Variants in UBALD2 observed in about 807,000 individuals in gnomAD.
UBALD2 encodes UBA-like domain-containing protein 2.
A neutral mutation model predicts 15.9 loss-of-function variants in UBALD2; 8 were observed. That is an observed-to-expected ratio of 0.50 (90% CI 0.29 to 0.91). The LOEUF (loss-of-function observed/expected upper bound fraction) is 0.91. Ranked by LOEUF, UBALD2 falls within the 40% of genes least tolerant of loss-of-function variation. The pLI is 0.07. For missense variants in UBALD2, 178 were observed against 234.8 expected, an observed-to-expected ratio of 0.76 and a Z score of 1.58; for synonymous variants, 113 against 97.7, an observed-to-expected ratio of 1.16 and a Z score of -0.93.
At chr17:76,266,934 C>G (rs567354757) in intron 2 of UBALD2, among the ~76,000 whole-genome samples, 76 of 152,302 alleles carry the variant, frequency 5.0e-4, no homozygotes, top group African/African-American at 1.7e-3. Context: ...CATCTAGTCA[C>G]AGAGGACAAG....
intron 2 of UBALD2, 148 bp from the exon 3 acceptor site, chr17:76,270,046 A>G (rs755265988): frequency 1.3e-6 from 1 of 747,292 alleles, no homozygotes; most frequent in Non-Finnish European, 2.1e-6. Flanking sequence ...CCTCGGGGAG[A>G]GGGCACTTTT....
intron 1 of UBALD2, 71 bp from the exon 2 acceptor site, chr17:76,265,836 G>A: frequency 6.5e-7 from 1 of 1,527,154 alleles, no homozygotes; most frequent in East Asian, 2.5e-5. Context: ...GGGGAGAGCC[G>A]GTGGGGGGCC....
Position 76,270,395 on chromosome 17 carries a change from TC to T in UBALD2, c.390del (p.Thr131ProfsTer78). On this transcript the variant is annotated frameshift_variant, in exon 3 of 3. Transcript: ENST00000327490. LOFTEE classifies it high-confidence loss of function. Reference protein sequence around the residue: ...SHQAPWIPPSSPTTFHHLHRP... With the variant: ...SHQAPWIPPSXPTTFHHLHRP... ...CCAGGCGCCCTGGATCCCGCCCTCC[TC>T]CCCCACCACCTTCCACCACCTCCAC... 2 of 681,246 alleles carry T rather than the reference TC, an allele frequency of 2.9e-6. No homozygotes were observed. 42.2% of individuals were successfully genotyped at this position (681,246 alleles called of 1,614,324 possible). A position where few individuals can be genotyped will look rare whatever the true frequency, so the allele number is the denominator to read the frequency against.
chr17:76,267,652 C>T (rs1453126650), intron 2 of UBALD2, among the ~76,000 whole-genome samples: 1 of 151,126 alleles, frequency 6.6e-6, no homozygotes, highest in Non-Finnish European at 1.5e-5. Context: ...CTGCACCCAG[C>T]TGGCAATTTC....
chr17:76,270,457 G>A lies in UBALD2; in HGVS notation c.447G>A (p.Gln149=). 6.7e-7 allele frequency: 1 copy of A among 1,489,644 alleles called. No individual in the cohort carries two copies. Among genetic ancestry groups the A allele is most frequent in the Non-Finnish European group, 8.9e-7 (1 of 1,121,896 alleles). The allele number at this position is 1,489,644 out of a possible 1,614,324, so 92.3% of individuals were successfully genotyped here. ...PQPTWPPGAQ[Q]GGAQQKAMAA... ...CCACGTGGCCCCCAGGAGCACAGCA[G>A]GGGGGCGCCCAGCAGAAAGCCATGG... The change falls in exon 3 of 3, where the codon CAG becomes CAA. Residue 149 remains glutamine, a synonymous_variant. Transcript: ENST00000327490.
At chr17:76,268,835 G>GT (rs2070564950) in intron 2 of UBALD2, among the ~76,000 whole-genome samples, 1 of 148,880 alleles carries the variant, frequency 6.7e-6, no homozygotes, top group Admixed American at 6.7e-5. Flanking sequence ...CCGGGTTCAA[G>GT]TGATTCTCCG....
Position 76,270,601 on chromosome 17 carries a change from G to A in UBALD2, c.*96G>A. The A allele has an allele frequency of 8.6e-7, 1 of 1,168,640 alleles. No individual in the cohort carries two copies. The highest frequency in any genetic ancestry group is 1.1e-6 in the Non-Finnish European group (1 of 883,416). The allele number at this position is 1,168,640 out of a possible 1,614,324, so 72.4% of individuals were successfully genotyped here. A position where few individuals can be genotyped will look rare whatever the true frequency, so the allele number is the denominator to read the frequency against. ...GGAGGGGGGAGCCGGGGAGGGCAGG[G>A]GGTTTCCCGAAGATCGCACTGGAAG... On this transcript the variant is annotated 3_prime_UTR_variant, in exon 3 of 3. Transcript: ENST00000327490.
In UBALD2 at chr17:76,270,600, G is replaced by A. The variant is rs2070580213; in HGVS notation, c.*95G>A. 1 of 1,168,772 alleles carries A rather than the reference G, an allele frequency of 8.6e-7. No individual in the cohort carries two copies. The highest frequency in any genetic ancestry group is 1.1e-6 in the Non-Finnish European group (1 of 883,436). 72.4% of individuals were successfully genotyped at this position (1,168,772 alleles called of 1,614,324 possible). A position where few individuals can be genotyped will look rare whatever the true frequency, so the allele number is the denominator to read the frequency against. Reference sequence around the variant, plus strand: ...GGGAGGGGGGAGCCGGGGAGGGCAGGGGGTTTCCCGAAGATCGCACTGGAA... The same window carrying A: ...GGGAGGGGGGAGCCGGGGAGGGCAGAGGGTTTCCCGAAGATCGCACTGGAA... On this transcript the variant is annotated 3_prime_UTR_variant, in exon 3 of 3. Transcript: ENST00000327490.
intron 2 of UBALD2, among the ~76,000 whole-genome samples, 178 bp from the exon 3 acceptor site, chr17:76,270,016 C>T (rs1249649750): frequency 6.6e-6 from 1 of 152,168 alleles, no homozygotes; most frequent in African/African-American, 2.4e-5. Context: ...GGGTTTTGTC[C>T]TTGTTTTCTG....
chr17:76,268,217 G>A (rs1361233442), intron 2 of UBALD2, among the ~76,000 whole-genome samples: 1 of 152,226 alleles, frequency 6.6e-6, no homozygotes, highest in Non-Finnish European at 1.5e-5. Flanking sequence ...TTGAGAACTG[G>A]CCGAGAGGGC....
Position 76,265,514 on chromosome 17 carries a change from G to C in UBALD2, c.9G>C (p.Val3=), listed in dbSNP as rs368788025. 1 of 1,274,540 alleles carries C rather than the reference G, an allele frequency of 7.8e-7. No individual in the cohort carries two copies. Among genetic ancestry groups the C allele is most frequent in the African/African-American group, 1.6e-5 (1 of 62,994 alleles). 79.0% of individuals were successfully genotyped at this position (1,274,540 alleles called of 1,614,324 possible). A position where few individuals can be genotyped will look rare whatever the true frequency, so the allele number is the denominator to read the frequency against. Residue 3 remains valine, a synonymous_variant, in exon 1 of 3, where the codon GTG becomes GTC. Coordinates refer to ENST00000327490, the MANE Select transcript of UBALD2 (RefSeq NM_182565.4). The stretch of plus-strand genomic sequence containing the variant: ...CCGCGCCGCGCCGCGCCATGTCGGT[G>C]AACATGGACGAGCTGCGGCACCAGG... MS[V]NMDELRHQVM...
intron 2 of UBALD2, among the ~76,000 whole-genome samples, chr17:76,268,416 T>C (rs866521553): frequency 3.9e-5 from 6 of 152,004 alleles, no homozygotes; most frequent in South Asian, 2.1e-4. Context: ...GTCACGATGC[T>C]GTGATGCAAT....
At position 76,265,387 on chromosome 17, in the gene UBALD2, GA is replaced by G; in HGVS notation, c.-118del. On this transcript the variant is annotated 5_prime_UTR_variant, in exon 1 of 3. Transcript: ENST00000327490. The stretch of plus-strand genomic sequence containing the variant: ...GCGGGCGGCGGCGGAGCGGGCGGCG[GA>G]GCGGCGGCAGCAGCGGTGAGCGCGA... The G allele has an allele frequency of 1.1e-6, 1 of 936,434 alleles. No homozygotes were observed. Among genetic ancestry groups the G allele is most frequent in the Non-Finnish European group, 1.3e-6 (1 of 786,820 alleles). 58.0% of individuals were successfully genotyped at this position (936,434 alleles called of 1,614,324 possible).
In UBALD2 at chr17:76,266,192, G is replaced by T. The variant is rs74254475; in HGVS notation, c.183+223G>T. Among the ~76,000 whole-genome samples the T allele has an allele frequency of 0.25, 38,270 of 151,864 alleles. 5,640 individuals are homozygous for T. The highest frequency in any genetic ancestry group is 0.46 in the East Asian group (2,343 of 5,074). On this transcript the variant is annotated intron_variant, in intron 2 of 2. Coordinates refer to ENST00000327490, the MANE Select transcript of UBALD2 (RefSeq NM_182565.4). ...TGGTGCCCGGCACTGGTCCCTGGGGGGAAGCGGCGCCAAAGTTGGGGGGAG... is the reference window on the plus strand; with the variant it reads ...TGGTGCCCGGCACTGGTCCCTGGGGTGAAGCGGCGCCAAAGTTGGGGGGAG...
At chr17:76,266,582 G>A (rs2143057064) in intron 2 of UBALD2, among the ~76,000 whole-genome samples, 1 of 152,332 alleles carries the variant, frequency 6.6e-6, no homozygotes, top group South Asian at 2.1e-4. Flanking sequence ...CACAGATTTT[G>A]ACCCAAGATA....
Position 76,265,378 on chromosome 17 carries a change from C to A in UBALD2, c.-128C>A. ...ATTCGCCGGGCGGGCGGCGGCGGAG[C>A]GGGCGGCGGAGCGGCGGCAGCAGCG... On this transcript the variant is annotated 5_prime_UTR_variant, in exon 1 of 3. Transcript: ENST00000327490. The A allele has an allele frequency of 2.3e-6, 2 of 887,128 alleles. No individual in the cohort carries two copies. Among genetic ancestry groups the A allele is most frequent in the Non-Finnish European group, 2.7e-6 (2 of 742,266 alleles). The allele number at this position is 887,128 out of a possible 1,614,324, so 55.0% of individuals were successfully genotyped here.
chr17:76,265,753 C>T, intron 1 of UBALD2, 128 bp downstream of exon 1: 1 of 1,333,170 alleles, frequency 7.5e-7, no homozygotes, highest in Non-Finnish European at 9.7e-7. Context: ...TTACGCGGGA[C>T]CGGGGCCGGG....
chr17:76,265,871 C>T (rs958170256), intron 1 of UBALD2, 36 bp from the exon 2 acceptor site: 2 of 1,585,726 alleles, frequency 1.3e-6, no homozygotes, highest in Middle Eastern at 1.7e-4. Flanking sequence ...CCTGACTCCG[C>T]CTGGCCCGCC....
rs938208862 is a variant in UBALD2 at position 76,265,458 on chromosome 17, C to G, written c.-48C>G. Reference sequence around the variant, plus strand: ...CCGGCCTCCCGCGCCCGCGCAGCCCCGCGTCTGCGTCCGGCCGGAGACGCC... The same window carrying G: ...CCGGCCTCCCGCGCCCGCGCAGCCCGGCGTCTGCGTCCGGCCGGAGACGCC... On this transcript the variant is annotated 5_prime_UTR_variant, in exon 1 of 3. Transcript: ENST00000327490. The G allele has an allele frequency of 9.9e-6, 10 of 1,013,338 alleles. No individual in the cohort carries two copies. The African/African-American group carries it at 1.6e-4, about 16-fold the overall frequency. The allele number at this position is 1,013,338 out of a possible 1,614,324, so 62.8% of individuals were successfully genotyped here.
Sources: gnomAD v4.1 joint callset for allele counts (sites outside exome capture counted in the v4.1 genomes callset) on GRCh38, gnomAD v4.1.1 for gene constraint, MANE v1.5 for transcripts, NCBI Gene and HGNC (gene_info 2026-07-23, HGNC 2026-07-21) for gene names.